Variants in ARSH observed in about 807,000 individuals in gnomAD.
ARSH encodes the protein arylsulfatase H.
In ARSH, 32 loss-of-function variants were observed where a neutral mutation model predicts 28.7. The observed-to-expected ratio is 1.11, with a 90% CI of 0.84 to 1.50. The LOEUF (loss-of-function observed/expected upper bound fraction) is 1.50, where lower values mean the gene tolerates loss of function less well. Among genes scored for constraint, ARSH ranks in the 40% most tolerant of loss-of-function variants. The pLI, the probability that ARSH is intolerant of heterozygous loss-of-function variation, is 0.00. For missense variants in ARSH, 440 were observed against 452.4 expected, an observed-to-expected ratio of 0.97 and a Z score of 0.25; for synonymous variants, 176 against 177.3, an observed-to-expected ratio of 0.99 and a Z score of 0.06.
At position 3,014,951 on chromosome X, in the gene ARSH, G is replaced by C. The variant is rs924039482; in HGVS notation, c.341-19G>C. 1 of 1,199,381 alleles carries C rather than the reference G, an allele frequency of 8.3e-7. No homozygotes were observed. The highest frequency in any genetic ancestry group is 1.1e-6 in the Non-Finnish European group (1 of 887,438). On this transcript the variant is annotated intron_variant, in intron 3 of 8. Coordinates refer to ENST00000381130, the MANE Select transcript of ARSH (RefSeq NM_001011719.2). ...GAATGCTGCCATGCTGCCATGGTAC[G>C]ATTTTATTTTACTTTTAGGCAAATG...
chrX:3,030,904 C>G (rs1603463628), intron 8 of ARSH, among the ~76,000 whole-genome samples: 1 of 110,629 alleles, frequency 9.0e-6, no homozygotes, highest in East Asian at 2.9e-4. Context: ...AATCTCAGCA[C>G]TTCAGGAGGC....
At chrX:3,020,588 C>CAAAAAAAAAAA (rs759581189) in intron 5 of ARSH, among the ~76,000 whole-genome samples, 5 of 44,336 alleles carry the variant, frequency 1.1e-4, no homozygotes, top group Admixed American at 3.9e-4. Context: ...GACTCAGTCT[C>CAAAAAAAAAAA]AAAAAAAAAA....
chrX:3,025,291 G>T (rs2089896043), intron 6 of ARSH, among the ~76,000 whole-genome samples: 1 of 104,404 alleles, frequency 9.6e-6, no homozygotes, highest in East Asian at 2.9e-4. Flanking sequence ...TGTATATATA[G>T]TCATTATATT....
At chrX:3,007,728 A>G (rs764261041) in intron 1 of ARSH, among the ~76,000 whole-genome samples, 40 of 104,566 alleles carry the variant, frequency 3.8e-4, no homozygotes, top group African/African-American at 1.4e-3. Flanking sequence ...AATACCATAG[A>G]CTGGGTGGCT....
chrX:3,023,262 G>T (rs1043049952), intron 5 of ARSH, among the ~76,000 whole-genome samples: 4 of 101,981 alleles, frequency 3.9e-5, no homozygotes, highest in South Asian at 4.3e-4. Context: ...TTTATATAAA[G>T]ATATAAATTT....
intron 5 of ARSH, among the ~76,000 whole-genome samples, chrX:3,020,249 A>T (rs762419123): frequency 1.3e-5 from 1 of 75,935 alleles, no homozygotes; most frequent in Admixed American, 1.9e-4. Flanking sequence ...CCGAGATTGC[A>T]CCACTGTACT....
intron 2 of ARSH, among the ~76,000 whole-genome samples, chrX:3,011,304 C>T (rs1178393111): frequency 1.0e-5 from 1 of 98,424 alleles, no homozygotes; most frequent in Non-Finnish European, 2.0e-5. Flanking sequence ...GGCTGGAGTG[C>T]AAGGGTCTGA....
intron 1 of ARSH, among the ~76,000 whole-genome samples, chrX:3,009,698 A>G (rs763930908): frequency 5.5e-4 from 61 of 110,784 alleles, no homozygotes; most frequent in Middle Eastern, 4.7e-3. Context: ...CTTAATCTAA[A>G]TTACCCATTA....
chrX:3,029,481 CT>C, intron 8 of ARSH, 113 bp downstream of exon 8: 1 of 968,254 alleles, frequency 1.0e-6, no homozygotes, highest in Non-Finnish European at 1.4e-6. Flanking sequence ...TATGATGGTT[CT>C]TTTTCGCTGA....
At chrX:3,012,224 C>T (rs1008980446) in intron 2 of ARSH, among the ~76,000 whole-genome samples, 5 of 109,530 alleles carry the variant, frequency 4.6e-5, no homozygotes, top group Non-Finnish European at 9.5e-5. Context: ...TAATATTGTC[C>T]ACCAGTATAA....
intron 4 of ARSH, among the ~76,000 whole-genome samples, chrX:3,015,779 C>A (rs1007598287): frequency 1.8e-5 from 2 of 109,749 alleles, no homozygotes; most frequent in South Asian, 4.0e-4. Flanking sequence ...GTGCAATAGA[C>A]CCACGTAACA....
chrX:3,033,024 CTG>C lies in ARSH; in HGVS notation c.1333_1334del (p.Trp445GlufsTer8), dbSNP rs1491291215. The C allele has an allele frequency of 3.3e-6, 4 of 1,203,695 alleles. No homozygotes were observed. The highest frequency in any genetic ancestry group is 4.5e-6 in the Non-Finnish European group (4 of 891,549). On this transcript the variant is annotated frameshift_variant, in exon 9 of 9. Coordinates refer to ENST00000381130, the MANE Select transcript of ARSH (RefSeq NM_001011719.2). LOFTEE classifies it low-confidence loss of function (END_TRUNC). ...AATGCAACTTGTTTTTTAGGTGCAA[CTG>C]TGTGGAAAGCTCATTATGTGACTCC... is the stretch of plus-strand genomic sequence containing the variant.
chrX:3,027,242 G>A, intron 6 of ARSH, 71 bp from the exon 7 acceptor site: 3 of 1,130,204 alleles, frequency 2.7e-6, no homozygotes, highest in Non-Finnish European at 2.4e-6. Context: ...TTACAGGCGT[G>A]AGCCACCGTG....
intron 4 of ARSH, among the ~76,000 whole-genome samples, chrX:3,017,837 T>A (rs1281815353): frequency 8.9e-6 from 1 of 111,941 alleles, no homozygotes; most frequent in Non-Finnish European, 1.9e-5. Flanking sequence ...CCTTAAGATA[T>A]GATTCTTCTG....
At chrX:3,013,202 C>G in intron 3 of ARSH, 30 bp downstream of exon 3, 1 of 1,190,417 alleles carries the variant, frequency 8.4e-7, no homozygotes, top group Non-Finnish European at 1.1e-6. Flanking sequence ...CCCGTGGAAA[C>G]GTGATCCTGC....
intron 6 of ARSH, among the ~76,000 whole-genome samples, chrX:3,026,756 C>T (rs2089899666): frequency 1.8e-5 from 2 of 112,391 alleles, no homozygotes; most frequent in Non-Finnish European, 3.8e-5. Context: ...TCTCTTTCTT[C>T]CTCTATATGG....
At chrX:3,027,027 G>A (rs1310695797) in intron 6 of ARSH, among the ~76,000 whole-genome samples, 1 of 109,862 alleles carries the variant, frequency 9.1e-6, no homozygotes, top group Non-Finnish European at 1.9e-5. Flanking sequence ...GCGTGATCTC[G>A]GCTCACCACA....
chrX:3,029,413 G>A (rs1040327709), intron 8 of ARSH, 45 bp downstream of exon 8: 23 of 1,174,976 alleles, frequency 2.0e-5, no homozygotes, highest in African/African-American at 5.3e-5. Flanking sequence ...ATAAGGGCCC[G>A]GTTCCGGTCT....
Position 3,029,385 on chromosome X carries a change from T to C in ARSH, c.1321+17T>C. The C allele has an allele frequency of 8.3e-7, 1 of 1,199,368 alleles. No homozygotes were observed. The highest frequency in any genetic ancestry group is 2.2e-5 in the Admixed American group (1 of 45,378). ...AGAAGGACTGTAAGTATGAAGGCTG[T>C]GGACACGTGGAAAGACGATAAGGGC... On this transcript the variant is annotated intron_variant, in intron 8 of 8. Transcript: ENST00000381130.
Sources: gnomAD v4.1 joint callset for allele counts (sites outside exome capture counted in the v4.1 genomes callset) on GRCh38, gnomAD v4.1.1 for gene constraint, MANE v1.5 for transcripts, NCBI Gene and HGNC (gene_info 2026-07-23, HGNC 2026-07-21) for gene names.